TGM4: variants seen among roughly 807,000 people sequenced by gnomAD.
The protein encoded by TGM4 is transglutaminase 4.
In TGM4, 61 loss-of-function variants were observed where a neutral mutation model predicts 76.3. That is an observed-to-expected ratio of 0.80 (90% confidence interval 0.65 to 0.99). TGM4 has a LOEUF of 0.99. Among genes scored for constraint, TGM4 ranks in the 50% least tolerant of loss-of-function variants. TGM4 has a pLI of 0.00. For missense variants in TGM4, 794 were observed against 843.2 expected (o/e 0.94, Z 0.72); for synonymous variants, 337 against 329.8 (o/e 1.02, Z -0.24).
At chr3:44,877,593 T>TA (rs570036919) in intron 1 of TGM4, among the ~76,000 whole-genome samples, 2,094 of 143,748 alleles carry the variant, frequency 0.015, 23 homozygotes, top group Non-Finnish European at 0.022. Context: ...CTCTGTCTCT[T>TA]AAAAAAAAAA....
intron 2 of TGM4, among the ~76,000 whole-genome samples, chr3:44,885,760 C>T (rs965543155): frequency 3.3e-5 from 5 of 152,250 alleles, no homozygotes; most frequent in South Asian, 2.1e-4. Flanking sequence ...GGTGACTCAG[C>T]GGGCATCTGC....
chr3:44,886,318 C>A (rs1189484319), intron 2 of TGM4, among the ~76,000 whole-genome samples: 1 of 151,970 alleles, frequency 6.6e-6, no homozygotes, highest in Non-Finnish European at 1.5e-5. Flanking sequence ...TTCATCCTGG[C>A]GACAAGAGTG....
At chr3:44,881,816 C>T (rs951041668) in intron 1 of TGM4, among the ~76,000 whole-genome samples, 1 of 152,170 alleles carries the variant, frequency 6.6e-6, no homozygotes, top group African/African-American at 2.4e-5. Flanking sequence ...CCAGAGGCTT[C>T]ATAGGCAAAA....
At chr3:44,887,589 T>A (rs923616742) in intron 2 of TGM4, 100 bp from the exon 3 acceptor site, 1 of 1,003,422 alleles carries the variant, frequency 1.0e-6, no homozygotes, top group African/African-American at 1.7e-5. Flanking sequence ...AAAGGAGGGG[T>A]GGGGGCTCCA....
intron 1 of TGM4, among the ~76,000 whole-genome samples, chr3:44,879,237 GTCTCTCTCTCTCTC>G (rs377695202): frequency 3.4e-5 from 4 of 118,080 alleles, no homozygotes; most frequent in African/African-American, 9.8e-5. Context: ...CTATTTTATG[GTCTCTCTCTCTCTC>G]TCTCTCTCTC....
At chr3:44,888,231 T>C (rs1699639973) in intron 3 of TGM4, 1 of 177,794 alleles carries the variant, frequency 5.6e-6, no homozygotes, top group Non-Finnish European at 1.2e-5. Context: ...TCTGCCCGAG[T>C]GTGTGGCTTA....
chr3:44,890,405 G>A (rs528649648), intron 3 of TGM4, 198 bp from the exon 4 acceptor site: 1 of 648,106 alleles, frequency 1.5e-6, no homozygotes, highest in East Asian at 2.7e-5. Flanking sequence ...CATGCTGTAT[G>A]GAGCTGCTTT....
intron 3 of TGM4, among the ~76,000 whole-genome samples, chr3:44,889,502 T>C (rs879709511): frequency 6.6e-6 from 1 of 151,986 alleles, no homozygotes; most frequent in Non-Finnish European, 1.5e-5. Context: ...AGAAGGACTC[T>C]GTCTCAAAAA....
At chr3:44,884,956 G>T (rs1699581690) in intron 1 of TGM4, among the ~76,000 whole-genome samples, 1 of 152,222 alleles carries the variant, frequency 6.6e-6, no homozygotes, top group South Asian at 2.1e-4. Flanking sequence ...TCTGCAGAGA[G>T]GGGGAGTTGG....
chr3:44,899,816 C>A (rs1699828320), intron 6 of TGM4, among the ~76,000 whole-genome samples: 1 of 152,240 alleles, frequency 6.6e-6, no homozygotes, highest in Non-Finnish European at 1.5e-5. Flanking sequence ...TCCAGGCTCA[C>A]TCACCTAGCT....
At chr3:44,893,952 A>ATGGCTCTCTCCCACCCCCCG (rs1559614145) in intron 5 of TGM4, among the ~76,000 whole-genome samples, 1 of 22,442 alleles carries the variant, frequency 4.5e-5, no homozygotes, top group Non-Finnish European at 8.7e-5. Context: ...CCCACCCCCC[A>ATGGCTCTCTCCCACCCCCCG]CAGCTCTCTC....
Position 44,901,802 on chromosome 3 carries a change from C to CATCTCAGT in TGM4, c.842_843insATCTCAGT (p.Leu282SerfsTer11). ...CCCTGGATCATTTCAGTGCTGAGAG[C>CATCTCAGT]GTTGGGCATCCCAGCACGCAGTGTG... is the stretch of plus-strand genomic sequence containing the variant. On this transcript the variant is annotated frameshift_variant, in exon 8 of 14. Coordinates refer to ENST00000296125, the MANE Select transcript of TGM4 (RefSeq NM_003241.4). LOFTEE classifies it high-confidence loss of function. 1 of 1,614,056 alleles carries CATCTCAGT rather than the reference C, an allele frequency of 6.2e-7. No homozygotes were observed. The highest frequency in any genetic ancestry group is 8.5e-7 in the Non-Finnish European group (1 of 1,179,970).
chr3:44,901,729 AG>A (rs761834546), intron 7 of TGM4, 31 bp downstream of exon 7: 1 of 1,612,388 alleles, frequency 6.2e-7, no homozygotes, highest in Non-Finnish European at 8.5e-7. Flanking sequence ...CTGAGGGGAG[AG>A]GTCCCAAGGG....
intron 1 of TGM4, among the ~76,000 whole-genome samples, chr3:44,876,877 A>C (rs1699458079): frequency 6.6e-6 from 1 of 152,228 alleles, no homozygotes. Flanking sequence ...TCAGATCTAT[A>C]AGAAAATGAC....
chr3:44,911,200 G>T (rs747114423), intron 12 of TGM4, 70 bp from the exon 13 acceptor site: 872 of 1,609,880 alleles, frequency 5.4e-4, no homozygotes, highest in Non-Finnish European at 7.1e-4. Flanking sequence ...GGGCCCCTAA[G>T]AACCCTGAGG....
intron 6 of TGM4, among the ~76,000 whole-genome samples, chr3:44,900,618 T>A (rs1375241540): frequency 6.6e-6 from 1 of 152,136 alleles, no homozygotes; most frequent in East Asian, 1.9e-4. Context: ...CATGATGAGG[T>A]TTGCAAAGGA....
intron 6 of TGM4, chr3:44,899,761 T>C (rs1699827411): frequency 6.6e-6 from 1 of 152,302 alleles, no homozygotes; most frequent in Non-Finnish European, 1.5e-5. Flanking sequence ...CCAGGTGTGG[T>C]TTAGCTGAAT....
At chr3:44,887,931 G>A in intron 3 of TGM4, 136 bp downstream of exon 3, 2 of 739,162 alleles carry the variant, frequency 2.7e-6, no homozygotes, top group Non-Finnish European at 2.3e-6. Context: ...GCATGATAGA[G>A]GGGCCATGGC....
At chr3:44,891,249 A>G (rs1699692269) in intron 4 of TGM4, among the ~76,000 whole-genome samples, 1 of 152,208 alleles carries the variant, frequency 6.6e-6, no homozygotes, top group Non-Finnish European at 1.5e-5. Context: ...ATCTTCTTGC[A>G]GCCTCAAATG....
Sources: gnomAD v4.1 joint callset for allele counts (sites outside exome capture counted in the v4.1 genomes callset) on GRCh38, gnomAD v4.1.1 for gene constraint, MANE v1.5 for transcripts, NCBI Gene and HGNC (gene_info 2026-07-23, HGNC 2026-07-21) for gene names.